PCDH9: variants seen among roughly 807,000 people sequenced by gnomAD.
PCDH9 encodes the protein protocadherin 9, also known as protocadherin-9.
A neutral mutation model predicts 70.6 loss-of-function variants in PCDH9; 24 were observed. The observed-to-expected ratio is 0.34, with a 90% confidence interval of 0.25 to 0.48. The LOEUF is 0.48. Ranked by LOEUF, PCDH9 falls within the 20% of genes least tolerant of loss-of-function variation. The probability of loss-of-function intolerance (pLI) is 0.99; values close to 1 mark genes in which losing one functional copy is unlikely to be tolerated. For missense variants in PCDH9, 1,281 were observed against 1,503.6 expected (o/e 0.85, Z 2.45); for synonymous variants, 562 against 558.5 (o/e 1.01, Z -0.09).
intron 3 of PCDH9, among the ~76,000 whole-genome samples, chr13:66,718,743 C>T (rs1404539627): frequency 6.6e-6 from 1 of 152,112 alleles, no homozygotes; most frequent in African/African-American, 2.4e-5. Flanking sequence ...ATGTTGGTCC[C>T]CAAAATAAAC....
intron 4 of PCDH9, among the ~76,000 whole-genome samples, chr13:66,580,280 A>C (rs1424357415): frequency 6.6e-6 from 1 of 152,000 alleles, no homozygotes; most frequent in Admixed American, 6.6e-5. Context: ...AACTATTGGC[A>C]TATACAACTA....
intron 4 of PCDH9, among the ~76,000 whole-genome samples, chr13:66,434,131 A>G (rs1957824316): frequency 6.6e-6 from 1 of 151,928 alleles, no homozygotes; most frequent in Non-Finnish European, 1.5e-5. Context: ...ATTATGTGAA[A>G]AAATCGTTGG....
At chr13:66,680,296 A>G (rs2139057771) in intron 3 of PCDH9, among the ~76,000 whole-genome samples, 1 of 152,112 alleles carries the variant, frequency 6.6e-6, no homozygotes, top group Admixed American at 6.6e-5. Flanking sequence ...TTCTATTTAT[A>G]GGTAATTTAG....
At chr13:66,671,773 A>G (rs1382617617) in intron 3 of PCDH9, among the ~76,000 whole-genome samples, 1 of 152,222 alleles carries the variant, frequency 6.6e-6, no homozygotes, top group Non-Finnish European at 1.5e-5. Flanking sequence ...ATTTAGTTTT[A>G]TGTATTCAAA....
intron 4 of PCDH9, among the ~76,000 whole-genome samples, chr13:66,484,285 C>T (rs1199480756): frequency 6.6e-6 from 1 of 152,030 alleles, no homozygotes; most frequent in East Asian, 1.9e-4. Flanking sequence ...AGACACACGT[C>T]CACTGGGGAT....
At chr13:66,375,769 A>T (rs1740705268) in intron 4 of PCDH9, among the ~76,000 whole-genome samples, 2 of 152,124 alleles carry the variant, frequency 1.3e-5, no homozygotes, top group Admixed American at 1.3e-4. Flanking sequence ...GTATAAAATC[A>T]TTATATCTGA....
intron 3 of PCDH9, among the ~76,000 whole-genome samples, chr13:66,686,717 G>A (rs1182531666): frequency 6.6e-6 from 1 of 152,070 alleles, no homozygotes; most frequent in African/African-American, 2.4e-5. Flanking sequence ...GTAGTTTGGT[G>A]AGTGAATAAT....
chr13:66,901,502 T>C (rs960048029), intron 3 of PCDH9, among the ~76,000 whole-genome samples: 3 of 151,754 alleles, frequency 2.0e-5, no homozygotes, highest in Non-Finnish European at 4.4e-5. Context: ...TGGAGAATGA[T>C]GGTTAAATGA....
chr13:66,843,400 T>TA (rs2081150226), intron 3 of PCDH9, among the ~76,000 whole-genome samples: 1 of 152,082 alleles, frequency 6.6e-6, no homozygotes, highest in Non-Finnish European at 1.5e-5. Flanking sequence ...ACACACGTTA[T>TA]AAAATGCTCT....
intron 2 of PCDH9, among the ~76,000 whole-genome samples, chr13:67,171,171 A>G (rs1243616051): frequency 6.6e-6 from 1 of 152,226 alleles, no homozygotes. Context: ...TATTTTTCCA[A>G]GTAAATTTTC....
chr13:66,724,206 CATTT>C lies in PCDH9; in HGVS notation c.3139-92799_3139-92796del, dbSNP rs2078976742. Among the ~76,000 whole-genome samples, 4 of 152,146 alleles carry C rather than the reference CATTT, an allele frequency of 2.6e-5. No homozygotes were observed. In the South Asian group the frequency reaches 8.3e-4, roughly 32 times the overall value. On this transcript the variant is annotated intron_variant, in intron 3 of 4. Coordinates refer to ENST00000377865, the MANE Select transcript of PCDH9 (RefSeq NM_203487.3). ...TAATACTGAATGTCTGTACACAATT[CATTT>C]GATTGTTGTTCACTTCAGGTGTTAT... is the stretch of plus-strand genomic sequence containing the variant.
At chr13:66,326,986 T>G (rs1453101587) in intron 4 of PCDH9, among the ~76,000 whole-genome samples, 1 of 152,104 alleles carries the variant, frequency 6.6e-6, no homozygotes, top group Admixed American at 6.6e-5. Flanking sequence ...GAGGGTTTTT[T>G]GTTTTTCTTT....
intron 2 of PCDH9, among the ~76,000 whole-genome samples, chr13:66,911,712 GT>G (rs1049836216): frequency 4.6e-5 from 7 of 152,196 alleles, no homozygotes; most frequent in African/African-American, 1.7e-4. Flanking sequence ...GCATTGAAAG[GT>G]TTTAAATTAC....
At chr13:66,675,737 C>T (rs9571618) in intron 3 of PCDH9, among the ~76,000 whole-genome samples, 49,020 of 151,928 alleles carry the variant, frequency 0.32, 8,754 homozygotes, top group East Asian at 0.56. Context: ...GCCAATATTA[C>T]TTTTTTTCCT....
chr13:67,214,113 G>A (rs1229053434), intron 2 of PCDH9: 1 of 152,070 alleles, frequency 6.6e-6, no homozygotes, highest in Non-Finnish European at 1.5e-5. Flanking sequence ...TATTTGTTGT[G>A]TCTCATTTAT....
At chr13:66,849,576 G>A (rs528553584) in intron 3 of PCDH9, among the ~76,000 whole-genome samples, 1 of 147,408 alleles carries the variant, frequency 6.8e-6, no homozygotes, top group South Asian at 2.2e-4. Flanking sequence ...ATGCCTTTAA[G>A]GCATGAGTGG....
chr13:66,646,487 T>C (rs1298145496), intron 3 of PCDH9, among the ~76,000 whole-genome samples: 1 of 152,216 alleles, frequency 6.6e-6, no homozygotes, highest in Non-Finnish European at 1.5e-5. Flanking sequence ...ACAAGAAATA[T>C]GTGTTGAATG....
At chr13:66,911,341 T>C (rs763815359) in intron 2 of PCDH9, among the ~76,000 whole-genome samples, 21 of 152,200 alleles carry the variant, frequency 1.4e-4, no homozygotes, top group Non-Finnish European at 1.6e-4. Flanking sequence ...TGCCCACATC[T>C]GGCTGTAAAT....
chr13:66,955,287 C>T (rs2083249876), intron 2 of PCDH9, among the ~76,000 whole-genome samples: 1 of 152,152 alleles, frequency 6.6e-6, no homozygotes, highest in Non-Finnish European at 1.5e-5. Context: ...TAAACTTACT[C>T]TCCTAATCAG....
Sources: gnomAD v4.1 joint callset for allele counts (sites outside exome capture counted in the v4.1 genomes callset) on GRCh38, gnomAD v4.1.1 for gene constraint, MANE v1.5 for transcripts, NCBI Gene and HGNC (gene_info 2026-07-23, HGNC 2026-07-21) for gene names.